RELN: variants seen among roughly 807,000 people sequenced by gnomAD.
RELN encodes the protein reelin.
In RELN, 108 loss-of-function variants were observed where a neutral mutation model predicts 427.6. That is an observed-to-expected ratio of 0.25 (90% CI 0.22 to 0.30). RELN has a LOEUF of 0.30. Among genes scored for constraint, RELN ranks in the 10% least tolerant of loss-of-function variants. The probability of loss-of-function intolerance (pLI) is 1.00; values close to 1 mark genes in which losing one functional copy is unlikely to be tolerated. For synonymous variants in RELN, 1,524 were observed against 1,513.4 expected (o/e 1.01, Z -0.16); for missense variants, 3,715 against 4,302.8 (o/e 0.86, Z 3.82).
intron 1 of RELN, among the ~76,000 whole-genome samples, chr7:103,932,926 G>A (rs1795896421): frequency 6.6e-6 from 1 of 152,218 alleles, no homozygotes; most frequent in South Asian, 2.1e-4. Flanking sequence ...TTGGCAGACA[G>A]ACACGTGCTA....
chr7:103,749,683 CT>C (rs1790944382), intron 5 of RELN, among the ~76,000 whole-genome samples, 179 bp from the exon 6 acceptor site: 2 of 152,140 alleles, frequency 1.3e-5, no homozygotes, highest in Non-Finnish European at 2.9e-5. Flanking sequence ...GTAAAAAGCT[CT>C]GCGGTTTAAA....
chr7:103,649,272 C>T (rs565855827), intron 16 of RELN, among the ~76,000 whole-genome samples: 22 of 152,064 alleles, frequency 1.4e-4, no homozygotes, highest in African/African-American at 4.6e-4. Context: ...AGAATGAAAT[C>T]GTGTCTTTTG....
intron 2 of RELN, among the ~76,000 whole-genome samples, chr7:103,898,073 C>G (rs1795001003): frequency 6.6e-6 from 1 of 152,010 alleles, no homozygotes; most frequent in Non-Finnish European, 1.5e-5. Context: ...TGTCAAATAA[C>G]AGTTTCTTAA....
intron 2 of RELN, among the ~76,000 whole-genome samples, chr7:103,842,046 T>C (rs953865014): frequency 4.6e-5 from 7 of 152,172 alleles, no homozygotes; most frequent in African/African-American, 1.7e-4. Context: ...ATAAAAATGA[T>C]ACAATTGTAA....
chr7:103,553,885 A>G (rs1283141572), intron 38 of RELN, 54 bp from the exon 39 acceptor site: 3 of 1,473,990 alleles, frequency 2.0e-6, no homozygotes, highest in Non-Finnish European at 2.8e-6. Context: ...TCAAATGAAC[A>G]CTTTTGCTCA....
chr7:103,949,936 T>C (rs1273723637), intron 1 of RELN, among the ~76,000 whole-genome samples: 2 of 152,242 alleles, frequency 1.3e-5, no homozygotes, highest in Admixed American at 6.5e-5. Context: ...ATCAAGCTTA[T>C]AGCACATAAG....
chr7:103,965,883 A>T (rs961595297), intron 1 of RELN, among the ~76,000 whole-genome samples: 2 of 152,202 alleles, frequency 1.3e-5, no homozygotes, highest in Non-Finnish European at 2.9e-5. Flanking sequence ...ATTGAAACCA[A>T]TATGCTCTTT....
chr7:103,717,899 C>T (rs979134705), intron 8 of RELN, among the ~76,000 whole-genome samples: 1 of 152,098 alleles, frequency 6.6e-6, no homozygotes, highest in African/African-American at 2.4e-5. Context: ...ACTACCTGTT[C>T]TAAAAGAGTT....
intron 5 of RELN, among the ~76,000 whole-genome samples, chr7:103,750,994 T>G (rs1406571000): frequency 6.6e-6 from 1 of 152,202 alleles, no homozygotes; most frequent in East Asian, 1.9e-4. Flanking sequence ...TAAACTCACT[T>G]TCATGGCTGG....
Position 103,968,927 on chromosome 7 carries a change from T to G in RELN, c.226+20204A>C, listed in dbSNP as rs1796709894. ...AGATTTAATTAAAATTTCAGAATCATGAAAAAGAAATGACCTATTTAACTT... is the reference window on the plus strand; with the variant it reads ...AGATTTAATTAAAATTTCAGAATCAGGAAAAAGAAATGACCTATTTAACTT... On this transcript the variant is annotated intron_variant, in intron 1 of 64. Transcript: ENST00000428762. This position sits in a 1 kb window ranked among gnomAD's most constrained non-coding sequence, Gnocchi z 4.3. 6.6e-6 allele frequency among the ~76,000 whole-genome samples: 1 copy of G among 152,150 alleles called. No individual in the cohort carries two copies. Among genetic ancestry groups the G allele is most frequent in the Non-Finnish European group, 1.5e-5 (1 of 68,006 alleles).
At chr7:103,775,487 T>A (rs1791715193) in intron 4 of RELN, among the ~76,000 whole-genome samples, 1 of 152,196 alleles carries the variant, frequency 6.6e-6, no homozygotes, top group Admixed American at 6.5e-5. Context: ...CTTAGGTATC[T>A]CAAAAACCGA....
intron 2 of RELN, among the ~76,000 whole-genome samples, chr7:103,915,280 C>T (rs773553724): frequency 6.6e-6 from 1 of 152,118 alleles, no homozygotes; most frequent in Admixed American, 6.6e-5. Context: ...CCAAATTACA[C>T]CACACTTTAC....
intron 1 of RELN, among the ~76,000 whole-genome samples, chr7:103,943,915 T>C (rs562784723): frequency 1.3e-5 from 2 of 149,860 alleles, no homozygotes; most frequent in South Asian, 4.2e-4. Context: ...AGATAACTGT[T>C]CCCTTAAAAT....
At chr7:103,903,467 G>C (rs1402849678) in intron 2 of RELN, among the ~76,000 whole-genome samples, 2 of 152,024 alleles carry the variant, frequency 1.3e-5, no homozygotes, top group African/African-American at 4.8e-5. Context: ...TCAGTCATCA[G>C]AGCAAATGTC....
intron 2 of RELN, among the ~76,000 whole-genome samples, chr7:103,874,308 G>A: frequency 7.9e-6 from 1 of 126,104 alleles, no homozygotes; most frequent in Non-Finnish European, 1.7e-5. Context: ...AGACAGGGAT[G>A]TCCTCTCTCA....
At chr7:103,673,938 CTCT>C (rs1207434157) in intron 11 of RELN, among the ~76,000 whole-genome samples, 2 of 152,010 alleles carry the variant, frequency 1.3e-5, no homozygotes, top group Non-Finnish European at 2.9e-5. Context: ...GCCCCTCCTC[CTCT>C]TCTTCCTCCT....
chr7:103,552,501 CTTTTTTTTT>C (rs35546410), intron 40 of RELN, among the ~76,000 whole-genome samples: 1 of 119,358 alleles, frequency 8.4e-6, no homozygotes, highest in Non-Finnish European at 1.7e-5. Flanking sequence ...TTCCTGAATT[CTTTTTTTTT>C]TTTTTTTTTT....
intron 20 of RELN, among the ~76,000 whole-genome samples, chr7:103,613,272 G>A (rs1450924279): frequency 6.6e-6 from 1 of 152,098 alleles, no homozygotes; most frequent in African/African-American, 2.4e-5. Flanking sequence ...CTGTAAGATT[G>A]GGAGAGAAAA....
intron 36 of RELN, 71 bp downstream of exon 36, chr7:103,561,461 G>A: frequency 3.5e-6 from 4 of 1,130,804 alleles, no homozygotes; most frequent in Non-Finnish European, 5.4e-6. Flanking sequence ...AAATCCATTT[G>A]TGTTGAGCAG....
Sources: gnomAD v4.1 joint callset for allele counts (sites outside exome capture counted in the v4.1 genomes callset) on GRCh38, gnomAD v4.1.1 for gene constraint, Gnocchi (gnomAD v3.1) non-coding constraint, MANE v1.5 for transcripts, NCBI Gene and HGNC (gene_info 2026-07-23, HGNC 2026-07-21) for gene names.